The following NUB1 variants were observed in gnomAD, a reference collection of about 807,000 sequenced individuals.
The protein encoded by NUB1 is NEDD8 ultimate buster 1.
Under a neutral mutation model 77.1 loss-of-function variants are expected in NUB1, and 41 were observed. That is an observed-to-expected ratio of 0.53 (90% CI 0.41 to 0.69). NUB1 has a LOEUF of 0.69. NUB1 is among the 30% of genes least tolerant of loss of function. The probability of loss-of-function intolerance (pLI) is 0.00; values close to 1 mark genes in which losing one functional copy is unlikely to be tolerated. For synonymous variants in NUB1, 257 were observed against 281.0 expected (o/e 0.91, Z 0.85); for missense variants, 643 against 743.8 (o/e 0.86, Z 1.58).
In NUB1 at chr7:151,348,827, G is replaced by A. The variant is rs542349389; in HGVS notation, c.118-246G>A. On this transcript the variant is annotated intron_variant, in intron 2 of 14. Coordinates refer to ENST00000568733, the MANE Select transcript of NUB1 (RefSeq NM_001243351.2). ...TCACCTCAAGTGATGCGCCTGCCTC[G>A]GCCTCCCAAAGTGCTGGGATTACAG... 2.6e-5 allele frequency among the ~76,000 whole-genome samples: 4 copies of A among 151,918 alleles called. No homozygotes were observed. In the South Asian group the frequency reaches 6.2e-4, roughly 24 times the overall value.
chr7:151,341,931 C>G (rs2150650137), intron 1 of NUB1, 85 bp downstream of exon 1: 1 of 1,391,964 alleles, frequency 7.2e-7, no homozygotes, highest in East Asian at 3.1e-5. Context: ...CTGGGCACCT[C>G]TCCTGGCCAG....
Position 151,355,850 on chromosome 7 carries a change from GA to G in NUB1, c.503del (p.Asn168ThrfsTer4), listed in dbSNP as rs1451277940. 6.2e-7 allele frequency: 1 copy of G among 1,613,226 alleles called. No individual in the cohort carries two copies. On this transcript the variant is annotated frameshift_variant, in exon 6 of 15. Coordinates refer to ENST00000568733, the MANE Select transcript of NUB1 (RefSeq NM_001243351.2). LOFTEE classifies it high-confidence loss of function. ...ELKQSEEDAR[K>X]NFQLEEEEQN... is the part of the protein sequence containing the mutation. Reference sequence around the variant, plus strand: ...TAAAACAATCTGAAGAGGACGCGAGGAAAAACTTCCAGTTAGAGGAAGAGGA... The same window carrying G: ...TAAAACAATCTGAAGAGGACGCGAGGAAAACTTCCAGTTAGAGGAAGAGGA...
At chr7:151,368,954 G>A (rs2150705910) in intron 11 of NUB1, 67 bp downstream of exon 11, 1 of 1,477,970 alleles carries the variant, frequency 6.8e-7, no homozygotes, top group Non-Finnish European at 9.1e-7. Flanking sequence ...TCCCACAGGA[G>A]TGTTAATAAC....
At position 151,368,992 on chromosome 7, in the gene NUB1, GA is replaced by G. The variant is rs138050080; in HGVS notation, c.1248+107del. The G allele has an allele frequency of 3.5e-3, 4,263 of 1,221,636 alleles. 132 individuals are homozygous for G. In the African/African-American group the frequency reaches 0.061, roughly 17 times the overall value. The allele number at this position is 1,221,636 out of a possible 1,614,324, so 75.7% of individuals were successfully genotyped here. ...GGAACTCTTTATTACTCCAGATTGG[GA>G]AGGAAGGAGAAACTTGTCCTTTTTT... On this transcript the variant is annotated intron_variant, in intron 11 of 14. Coordinates refer to ENST00000568733, the MANE Select transcript of NUB1 (RefSeq NM_001243351.2).
chr7:151,376,174 T>C (rs1357693934), intron 13 of NUB1: 8 of 518,174 alleles, frequency 1.5e-5, no homozygotes, highest in Non-Finnish European at 3.5e-6. Context: ...TCTCTTTAGG[T>C]TTGCTGCCTT....
At chr7:151,350,558 C>T (rs1796746071) in intron 3 of NUB1, among the ~76,000 whole-genome samples, 1 of 152,270 alleles carries the variant, frequency 6.6e-6, no homozygotes, top group East Asian at 1.9e-4. Context: ...CTCTGTGTGG[C>T]CTGGTTTTTC....
chr7:151,377,033 G>T lies in NUB1; in HGVS notation c.1670-14G>T, dbSNP rs899292993. 3.3e-6 allele frequency: 5 copies of T among 1,528,880 alleles called. No individual in the cohort carries two copies. Among genetic ancestry groups the T allele is most frequent in the Admixed American group, 2.2e-5 (1 of 45,150 alleles). The allele number at this position is 1,528,880 out of a possible 1,614,324, so 94.7% of individuals were successfully genotyped here. On this transcript the variant is annotated splice_polypyrimidine_tract_variant and intron_variant, in intron 14 of 14. Coordinates refer to ENST00000568733, the MANE Select transcript of NUB1 (RefSeq NM_001243351.2). Reference sequence around the variant, plus strand: ...CTCACATAATTCACTTACTCCTGCGGTATTTTATTGTAGGAACCTCTAGTG... The same window carrying T: ...CTCACATAATTCACTTACTCCTGCGTTATTTTATTGTAGGAACCTCTAGTG...
chr7:151,352,176 C>T (rs1330674496), intron 4 of NUB1: 2 of 456,516 alleles, frequency 4.4e-6, no homozygotes, highest in Non-Finnish European at 8.8e-6. Flanking sequence ...ATGGGCTTCT[C>T]CAGGGAGACC....
At chr7:151,359,295 T>C (rs1797247046) in intron 7 of NUB1, among the ~76,000 whole-genome samples, 2 of 148,458 alleles carry the variant, frequency 1.3e-5, no homozygotes, top group South Asian at 2.1e-4. Context: ...AAAAAAAAAT[T>C]AGCCAGGCGT....
intron 13 of NUB1, 96 bp from the exon 14 acceptor site, chr7:151,376,538 C>G: frequency 4.0e-6 from 5 of 1,237,256 alleles, no homozygotes; most frequent in Non-Finnish European, 5.5e-6. Flanking sequence ...GCCGGGAGCT[C>G]TTAAACATGA....
chr7:151,367,738 C>T, intron 9 of NUB1, 123 bp from the exon 10 acceptor site: 2 of 629,704 alleles, frequency 3.2e-6, no homozygotes, highest in Non-Finnish European at 5.5e-6. Flanking sequence ...ATAGTGAAGC[C>T]ATGGACATTT....
Position 151,348,569 on chromosome 7 carries a change from CTTTTTTT to C in NUB1, c.118-486_118-480del, listed in dbSNP as rs59781719. On this transcript the variant is annotated intron_variant, in intron 2 of 14. Transcript: ENST00000568733. ...AAATGTTTTTGTTTTTTGCTTTTTGCTTTTTTTTTTTTTTTTTTTTTTTTGAGGCGGA... is the reference window on the plus strand; with the variant it reads ...AAATGTTTTTGTTTTTTGCTTTTTGCTTTTTTTTTTTTTTTTTGAGGCGGA... Among the ~76,000 whole-genome samples, 356 of 69,966 alleles carry C rather than the reference CTTTTTTT, an allele frequency of 5.1e-3. 1 individual carries two copies. The highest frequency in any genetic ancestry group is 0.019 in the African/African-American group (315 of 16,948). 45.9% of individuals were successfully genotyped at this position (69,966 alleles called of 152,430 possible). A position where few individuals can be genotyped will look rare whatever the true frequency, so the allele number is the denominator to read the frequency against.
chr7:151,344,800 G>GACC (rs1796404782), intron 1 of NUB1, among the ~76,000 whole-genome samples: 1 of 152,024 alleles, frequency 6.6e-6, no homozygotes, highest in South Asian at 2.1e-4. Context: ...AGGAATTCGA[G>GACC]ACCAGCCTGG....
At chr7:151,345,563 C>A in intron 2 of NUB1, 97 bp downstream of exon 2, 1 of 692,160 alleles carries the variant, frequency 1.4e-6, no homozygotes, top group Non-Finnish European at 2.4e-6. Context: ...AAACTTTTGG[C>A]ATAACCAAAA....
At position 151,376,108 on chromosome 7, in the gene NUB1, A is replaced by G. The variant is rs1343265132; in HGVS notation, c.1491+165A>G. 4 of 602,134 alleles carry G rather than the reference A, an allele frequency of 6.6e-6. No homozygotes were observed. In the East Asian group the frequency reaches 1.1e-4, roughly 17 times the overall value. 37.3% of individuals were successfully genotyped at this position (602,134 alleles called of 1,614,324 possible). A position where few individuals can be genotyped will look rare whatever the true frequency, so the allele number is the denominator to read the frequency against. On this transcript the variant is annotated intron_variant, in intron 13 of 14. Transcript: ENST00000568733. The stretch of plus-strand genomic sequence containing the variant: ...CCTCAGAGGCCACCCACGCAGTAAC[A>G]GAGGGCAGGGGAGGCCTCCTTGGAA...
At chr7:151,365,867 G>C (rs1454051288) in intron 8 of NUB1, among the ~76,000 whole-genome samples, 1 of 148,634 alleles carries the variant, frequency 6.7e-6, no homozygotes, top group Non-Finnish European at 1.5e-5. Flanking sequence ...CTGTTTTAAA[G>C]AGTAAATGAC....
rs919213612 is a variant in NUB1 at position 151,368,823 on chromosome 7, T to C, written c.1184T>C (p.Leu395Pro). Residue 395 changes from leucine to proline, a missense_variant, in exon 11 of 15, where the codon CTT (leucine) becomes CCT (proline). Transcript: ENST00000568733. ...QLGFTAQEAR[L>P]GLRACDGNVD... Reference sequence around the variant, plus strand: ...GGGTTTACTGCCCAGGAAGCCCGGCTTGGCCTGAGGGCGTGTGATGGGAAC... The same window carrying C: ...GGGTTTACTGCCCAGGAAGCCCGGCCTGGCCTGAGGGCGTGTGATGGGAAC... The C allele has an allele frequency of 6.2e-7, 1 of 1,614,066 alleles. No homozygotes were observed. Among genetic ancestry groups the C allele is most frequent in the East Asian group, 2.2e-5 (1 of 44,888 alleles).
chr7:151,342,987 C>T (rs1796284816), intron 1 of NUB1, among the ~76,000 whole-genome samples: 1 of 152,142 alleles, frequency 6.6e-6, no homozygotes, highest in South Asian at 2.1e-4. Flanking sequence ...GATGGCATCT[C>T]TGAGTACCGC....
chr7:151,376,964 C>A, intron 14 of NUB1, 83 bp from the exon 15 acceptor site: 1 of 1,417,582 alleles, frequency 7.1e-7, no homozygotes, highest in Non-Finnish European at 9.4e-7. Flanking sequence ...GCAAGAGGCA[C>A]AGTCTGAGGT....
Sources: gnomAD v4.1 joint callset for allele counts (sites outside exome capture counted in the v4.1 genomes callset) on GRCh38, gnomAD v4.1.1 for gene constraint, MANE v1.5 for transcripts, NCBI Gene and HGNC (gene_info 2026-07-23, HGNC 2026-07-21) for gene names.